Variants in NBEA observed in about 807,000 individuals in gnomAD.
The protein encoded by NBEA is lysosomal-trafficking regulator 2.
In NBEA, 44 loss-of-function variants were observed where a neutral mutation model predicts 343.4. That is an observed-to-expected ratio of 0.13 (90% CI 0.10 to 0.16). The LOEUF is 0.16. Among genes scored for constraint, NBEA ranks in the 10% least tolerant of loss-of-function variants. NBEA has a pLI of 1.00. For synonymous variants in NBEA, 1,175 were observed against 1,238.7 expected (o/e 0.95, Z 1.08); for missense variants, 2,555 against 3,631.3 (o/e 0.70, Z 7.62).
chr13:35,534,383 T>C (rs1340865524), intron 41 of NBEA, among the ~76,000 whole-genome samples: 1 of 152,192 alleles, frequency 6.6e-6, no homozygotes, highest in Non-Finnish European at 1.5e-5. Flanking sequence ...TCATTCAGAT[T>C]TCTAGTTTAG....
At chr13:35,582,450 C>G (rs9574172) in intron 45 of NBEA, among the ~76,000 whole-genome samples, 20,068 of 151,948 alleles carry the variant, frequency 0.13, 1,450 homozygotes, top group East Asian at 0.28. Context: ...AAATTACATT[C>G]CCTTTTTTAC....
At position 35,316,621 on chromosome 13, in the gene NBEA, C is replaced by T. The variant is rs1431154247; in HGVS notation, c.5903+7029C>T. On this transcript the variant is annotated intron_variant, in intron 36 of 58. Transcript: ENST00000379939. Reference sequence around the variant, plus strand: ...TGATTTATAATCCTTTGGGTATATACCCAGTAATGGGATTGCTGGGTCAAA... The same window carrying T: ...TGATTTATAATCCTTTGGGTATATATCCAGTAATGGGATTGCTGGGTCAAA... 3.3e-5 allele frequency among the ~76,000 whole-genome samples: 5 copies of T among 152,224 alleles called. No homozygotes were observed. The East Asian group carries it at 7.8e-4, about 24-fold the overall frequency.
At chr13:35,307,310 C>T (rs1247354735) in intron 35 of NBEA, among the ~76,000 whole-genome samples, 1 of 151,996 alleles carries the variant, frequency 6.6e-6, no homozygotes, top group African/African-American at 2.4e-5. Flanking sequence ...ACAAATTACT[C>T]TTCTAAAACA....
Position 35,041,007 on chromosome 13 carries a change from G to A in NBEA, c.369G>A (p.Glu123=). Residue 123 remains glutamate, a synonymous_variant, in exon 2 of 59, where the codon GAG becomes GAA. Coordinates refer to ENST00000379939, the MANE Select transcript of NBEA (RefSeq NM_001385012.1). ...QDAESITCMT[E]LLEHCDVTCQ... Reference sequence around the variant, plus strand: ...CTGAGAGTATAACATGTATGACAGAGCTTTTGGAGCACTGTGATGTAACAT... The same window carrying A: ...CTGAGAGTATAACATGTATGACAGAACTTTTGGAGCACTGTGATGTAACAT... 1.9e-6 allele frequency: 3 copies of A among 1,613,258 alleles called. No individual in the cohort carries two copies. The South Asian group carries it at 3.3e-5, about 18-fold the overall frequency.
At chr13:35,364,152 C>G (rs511816) in intron 38 of NBEA, among the ~76,000 whole-genome samples, 44,231 of 151,716 alleles carry the variant, frequency 0.29, 8,295 homozygotes, top group African/African-American at 0.54. Flanking sequence ...TTATGGCCAA[C>G]AAATTTCATC....
At chr13:35,201,779 C>T (rs979108783) in intron 31 of NBEA, among the ~76,000 whole-genome samples, 23 of 151,966 alleles carry the variant, frequency 1.5e-4, no homozygotes, top group African/African-American at 5.1e-4. Flanking sequence ...TAGATATTTT[C>T]GAGCTTGGCT....
At chr13:35,012,007 C>T (rs7999673) in intron 1 of NBEA, among the ~76,000 whole-genome samples, 147,002 of 152,318 alleles carry the variant, frequency 0.97, 71,031 homozygotes, top group Non-Finnish European at 0.99. Context: ...GTCATAGATA[C>T]TATTCCCAGT....
intron 55 of NBEA, among the ~76,000 whole-genome samples, chr13:35,662,668 A>G (rs1462475928): frequency 6.6e-6 from 1 of 152,206 alleles, no homozygotes; most frequent in African/African-American, 2.4e-5. Context: ...AATCGTAATG[A>G]AAAAAATAAA....
intron 1 of NBEA, among the ~76,000 whole-genome samples, chr13:34,984,059 T>TA (rs1056048003): frequency 6.6e-6 from 1 of 152,212 alleles, no homozygotes; most frequent in African/African-American, 2.4e-5. Flanking sequence ...ATTTGTCAAT[T>TA]TTGGCTTTTG....
intron 1 of NBEA, among the ~76,000 whole-genome samples, chr13:34,949,022 G>A (rs1362388073): frequency 6.6e-6 from 1 of 152,132 alleles, no homozygotes. Context: ...GTTGGCAAGA[G>A]GAAAGCCAAG....
chr13:35,159,268 G>C lies in NBEA; in HGVS notation c.3097G>C (p.Val1033Leu). Reference sequence around the variant, plus strand: ...TCGAGACTTACTCATGTCAACAAAAGTGTCAGATGATATTCTTGGAAATTC... The same window carrying C: ...TCGAGACTTACTCATGTCAACAAAACTGTCAGATGATATTCTTGGAAATTC... ...DTRDLLMSTK[V>L]SDDILGNSDR... Residue 1033 changes from valine (V) to leucine (L), a missense_variant, in exon 22 of 59, where the codon GTG (valine) becomes CTG (leucine). Val to Leu is a conservative substitution (Grantham distance 32). Coordinates refer to ENST00000379939, the MANE Select transcript of NBEA (RefSeq NM_001385012.1). 6.2e-7 allele frequency: 1 copy of C among 1,613,516 alleles called. No homozygotes were observed. Among genetic ancestry groups the C allele is most frequent in the Non-Finnish European group, 8.5e-7 (1 of 1,179,604 alleles).
chr13:35,016,594 AC>A (rs1201112502), intron 1 of NBEA, among the ~76,000 whole-genome samples: 3 of 4,600 alleles, frequency 6.5e-4, no homozygotes, highest in African/African-American at 7.4e-4. Flanking sequence ...GTGTATACAC[AC>A]ACACACACAC....
At chr13:35,415,612 T>C (rs1345140586) in intron 38 of NBEA, among the ~76,000 whole-genome samples, 1 of 152,168 alleles carries the variant, frequency 6.6e-6, no homozygotes, top group Non-Finnish European at 1.5e-5. Flanking sequence ...TTGGTACCAG[T>C]ACCATGCTGT....
At chr13:35,659,853 T>A (rs2084992231) in intron 55 of NBEA, among the ~76,000 whole-genome samples, 1 of 152,208 alleles carries the variant, frequency 6.6e-6, no homozygotes, top group Non-Finnish European at 1.5e-5. Context: ...GATGCTTTCA[T>A]CCGAAACAGA....
chr13:35,561,996 T>C (rs987098385), intron 44 of NBEA, among the ~76,000 whole-genome samples: 5 of 152,158 alleles, frequency 3.3e-5, no homozygotes, highest in African/African-American at 1.2e-4. Flanking sequence ...CTCAAAAGTC[T>C]AACCGTAAAT....
chr13:35,495,746 T>C (rs1219438851), intron 41 of NBEA, among the ~76,000 whole-genome samples: 1 of 152,022 alleles, frequency 6.6e-6, no homozygotes, highest in South Asian at 2.1e-4. Context: ...ATAAACCATA[T>C]GTCAGGCCAT....
chr13:35,495,851 C>T (rs2076657732), intron 41 of NBEA, among the ~76,000 whole-genome samples: 1 of 151,966 alleles, frequency 6.6e-6, no homozygotes. Flanking sequence ...ACAAACTGAA[C>T]AGCAAATACT....
chr13:35,294,954 C>T (rs550352687), intron 35 of NBEA, among the ~76,000 whole-genome samples: 1 of 151,354 alleles, frequency 6.6e-6, no homozygotes, highest in African/African-American at 2.4e-5. Context: ...TGAGTCTGTT[C>T]AACAGTGTCT....
intron 31 of NBEA, among the ~76,000 whole-genome samples, chr13:35,203,860 A>T (rs757651731): frequency 2.0e-5 from 3 of 152,220 alleles, no homozygotes; most frequent in African/African-American, 7.2e-5. Flanking sequence ...TCTATGTAGT[A>T]TAAAAGAATT....
Sources: gnomAD v4.1 joint callset for allele counts (sites outside exome capture counted in the v4.1 genomes callset) on GRCh38, gnomAD v4.1.1 for gene constraint, MANE v1.5 for transcripts, NCBI Gene and HGNC (gene_info 2026-07-23, HGNC 2026-07-21) for gene names.